SHTN1: variants seen among roughly 807,000 people sequenced by gnomAD.
SHTN1 encodes the protein shootin 1.
A neutral mutation model predicts 83.1 loss-of-function variants in SHTN1; 42 were observed. The observed-to-expected ratio is 0.51, with a 90% CI of 0.39 to 0.65. SHTN1 has a LOEUF of 0.65. Among genes scored for constraint, SHTN1 ranks in the 30% least tolerant of loss-of-function variants. The probability of loss-of-function intolerance (pLI) is 0.00; values close to 1 mark genes in which losing one functional copy is unlikely to be tolerated. For synonymous variants in SHTN1, 224 were observed against 247.7 expected (o/e 0.90, Z 0.90); for missense variants, 622 against 737.8 (o/e 0.84, Z 1.82).
chr10:117,117,525 A>T (rs1231302654), intron 1 of SHTN1, among the ~76,000 whole-genome samples: 1 of 152,198 alleles, frequency 6.6e-6, no homozygotes, highest in Non-Finnish European at 1.5e-5. Flanking sequence ...TTCTTCACAG[A>T]CATAGAAAAC....
At chr10:117,083,520 T>G (rs1033046380) in intron 1 of SHTN1, among the ~76,000 whole-genome samples, 1 of 151,784 alleles carries the variant, frequency 6.6e-6, no homozygotes, top group Admixed American at 6.6e-5. Context: ...TGTCTTGGAG[T>G]TGCTCTTCTC....
At chr10:116,996,645 T>TC (rs766687209) in intron 1 of SHTN1, among the ~76,000 whole-genome samples, 14 of 152,334 alleles carry the variant, frequency 9.2e-5, no homozygotes, top group Non-Finnish European at 1.8e-4. Flanking sequence ...TCCTTTTTTT[T>TC]CATAGAAATG....
chr10:117,060,744 C>T (rs1471911766), intron 1 of SHTN1, among the ~76,000 whole-genome samples: 1 of 152,204 alleles, frequency 6.6e-6, no homozygotes, highest in Non-Finnish European at 1.5e-5. Flanking sequence ...TTCATGATGA[C>T]TGTACCATCT....
chr10:116,976,161 A>T (rs1589860607), intron 2 of SHTN1, among the ~76,000 whole-genome samples: 2 of 152,248 alleles, frequency 1.3e-5, no homozygotes, highest in African/African-American at 4.8e-5. Context: ...TGTGAAATGG[A>T]GCAGACACAC....
intron 1 of SHTN1, among the ~76,000 whole-genome samples, chr10:117,084,457 C>T (rs901456044): frequency 6.6e-6 from 1 of 152,208 alleles, no homozygotes; most frequent in Admixed American, 6.5e-5. Context: ...CAGACAGGGT[C>T]ATTTAAGTCT....
intron 1 of SHTN1, among the ~76,000 whole-genome samples, chr10:117,086,209 C>G (rs1010652777): frequency 1.3e-5 from 2 of 152,130 alleles, no homozygotes; most frequent in African/African-American, 2.4e-5. Flanking sequence ...TGAGCCACCG[C>G]GTCCATCATG....
intron 1 of SHTN1, among the ~76,000 whole-genome samples, chr10:116,998,695 G>A (rs1316217797): frequency 6.6e-6 from 1 of 152,178 alleles, no homozygotes; most frequent in East Asian, 1.9e-4. Context: ...ATCAGTTGGT[G>A]CATTTCCTTA....
chr10:116,948,026 G>T (rs1846264791), intron 7 of SHTN1, among the ~76,000 whole-genome samples: 1 of 152,168 alleles, frequency 6.6e-6, no homozygotes, highest in Non-Finnish European at 1.5e-5. Context: ...GGGTCGCAAA[G>T]GTTTCCTGTT....
chr10:116,886,204 C>T lies in SHTN1; in HGVS notation c.*140G>A. ...TACTTATGTTTATAGTTGCTACTTA[C>T]AAAAGTGACACCAGAAAAGAACCTG... is the stretch of plus-strand genomic sequence containing the variant. On this transcript the variant is annotated 3_prime_UTR_variant, in exon 17 of 17. Coordinates refer to ENST00000355371, the MANE Select transcript of SHTN1 (RefSeq NM_001127211.3). The T allele has an allele frequency of 8.2e-7, 1 of 1,220,396 alleles. No homozygotes were observed. The highest frequency in any genetic ancestry group is 1.1e-6 in the Non-Finnish European group (1 of 891,672). 75.6% of individuals were successfully genotyped at this position (1,220,396 alleles called of 1,614,324 possible).
chr10:117,117,100 AAAG>A (rs955809749), intron 1 of SHTN1, among the ~76,000 whole-genome samples: 2 of 152,160 alleles, frequency 1.3e-5, no homozygotes, highest in Non-Finnish European at 2.9e-5. Flanking sequence ...CCAGATAGGA[AAAG>A]AAGAAGTCAA....
At chr10:116,905,311 C>T (rs898545082) in intron 15 of SHTN1, among the ~76,000 whole-genome samples, 2 of 151,354 alleles carry the variant, frequency 1.3e-5, no homozygotes, top group African/African-American at 2.4e-5. Context: ...AAATGAATAA[C>T]GATTATATGT....
At chr10:116,980,347 C>T (rs1219638536) in intron 1 of SHTN1, among the ~76,000 whole-genome samples, 2 of 152,016 alleles carry the variant, frequency 1.3e-5, no homozygotes, top group Non-Finnish European at 1.5e-5. Context: ...GGCTGGAGTG[C>T]AGTGGCACCA....
intron 5 of SHTN1, among the ~76,000 whole-genome samples, chr10:116,953,467 A>G (rs541858826): frequency 6.6e-6 from 1 of 152,236 alleles, no homozygotes; most frequent in Admixed American, 6.5e-5. Flanking sequence ...CAATTGTTAT[A>G]TACCCTATGG....
rs1348528376 is a variant in SHTN1 at position 116,900,621 on chromosome 10, G to T, written c.1673+1144C>A. 4.6e-6 allele frequency: 7 copies of T among 1,524,614 alleles called. No individual in the cohort carries two copies. In the African/African-American group the frequency reaches 9.6e-5, roughly 21 times the overall value. 94.4% of individuals were successfully genotyped at this position (1,524,614 alleles called of 1,614,324 possible). A position where few individuals can be genotyped will look rare whatever the true frequency, so the allele number is the denominator to read the frequency against. Reference sequence around the variant, plus strand: ...GAAACTAACTTGTCTCAGCCAAATTGCTTTTGTGTCTGGATATTGGTTCAA... The same window carrying T: ...GAAACTAACTTGTCTCAGCCAAATTTCTTTTGTGTCTGGATATTGGTTCAA... On this transcript the variant is annotated intron_variant, in intron 16 of 16. Transcript: ENST00000355371.
chr10:117,064,916 G>A (rs766880382), intron 1 of SHTN1, among the ~76,000 whole-genome samples: 6 of 152,062 alleles, frequency 3.9e-5, no homozygotes, highest in Non-Finnish European at 5.9e-5. Context: ...GGTTTCTTTC[G>A]GGAGGCTCTC....
chr10:117,043,354 C>T (rs1238455490), intron 2 of SHTN1, among the ~76,000 whole-genome samples: 2 of 151,920 alleles, frequency 1.3e-5, no homozygotes, highest in Admixed American at 1.3e-4. Context: ...CAGGATGGAT[C>T]TTTATTGTTT....
At chr10:117,030,449 G>A (rs1852398491) in intron 2 of SHTN1, among the ~76,000 whole-genome samples, 1 of 152,074 alleles carries the variant, frequency 6.6e-6, no homozygotes, top group Non-Finnish European at 1.5e-5. Flanking sequence ...CCCAGACACA[G>A]ACAAGTATCT....
intron 1 of SHTN1, among the ~76,000 whole-genome samples, chr10:117,064,579 C>T (rs1231583132): frequency 4.0e-5 from 6 of 150,968 alleles, no homozygotes; most frequent in African/African-American, 9.8e-5. Flanking sequence ...CGCTTGAACC[C>T]GTGAGGCAGA....
chr10:117,065,727 T>TGAAAGAAAGAAA (rs869310024), intron 1 of SHTN1, among the ~76,000 whole-genome samples: 11 of 12,008 alleles, frequency 9.2e-4, no homozygotes, highest in African/African-American at 1.8e-3. Flanking sequence ...GAGAGAGAGA[T>TGAAAGAAAGAAA]GAAAGAAAGA....
Sources: gnomAD v4.1 joint callset for allele counts (sites outside exome capture counted in the v4.1 genomes callset) on GRCh38, gnomAD v4.1.1 for gene constraint, MANE v1.5 for transcripts, NCBI Gene and HGNC (gene_info 2026-07-23, HGNC 2026-07-21) for gene names.